Variants in ELOVL5 observed in about 807,000 individuals in gnomAD.
ELOVL5 encodes very long chain fatty acid elongase 5.
In ELOVL5, 8 loss-of-function variants were observed where a neutral mutation model predicts 38.6. That is an observed-to-expected ratio of 0.21 (90% CI 0.12 to 0.37). The LOEUF (loss-of-function observed/expected upper bound fraction) is 0.37, where lower values mean the gene tolerates loss of function less well. Ranked by LOEUF, ELOVL5 falls within the 10% of genes least tolerant of loss-of-function variation. ELOVL5 has a pLI of 1.00. For missense variants in ELOVL5, 280 were observed against 367.8 expected, an observed-to-expected ratio of 0.76 and a Z score of 1.95; for synonymous variants, 127 against 133.7, an observed-to-expected ratio of 0.95 and a Z score of 0.34.
Position 53,268,892 on chromosome 6 carries a change from C to T in ELOVL5, c.*235G>A. ...CAGTGTTGTATACTATAATAATACT[C>T]CCTTTCCACAGTCTAGCGCAGGGGT... On this transcript the variant is annotated 3_prime_UTR_variant, in exon 8 of 8. Transcript: ENST00000304434. The T allele has an allele frequency of 2.4e-6, 1 of 410,624 alleles. No homozygotes were observed. The highest frequency in any genetic ancestry group is 4.4e-6 in the Non-Finnish European group (1 of 229,788). The allele number at this position is 410,624 out of a possible 1,614,324, so 25.4% of individuals were successfully genotyped here.
chr6:53,296,508 A>G (rs1268611428), intron 1 of ELOVL5, among the ~76,000 whole-genome samples: 1 of 152,194 alleles, frequency 6.6e-6, no homozygotes, highest in African/African-American at 2.4e-5. Context: ...TTATTATATC[A>G]TATTTATAAG....
At chr6:53,344,810 A>T (rs1213168656) in intron 1 of ELOVL5, among the ~76,000 whole-genome samples, 1 of 152,194 alleles carries the variant, frequency 6.6e-6, no homozygotes, top group African/African-American at 2.4e-5. Context: ...TTGCCCAATG[A>T]TTCCACACTC....
intron 1 of ELOVL5, among the ~76,000 whole-genome samples, chr6:53,333,882 C>T (rs1342553531): frequency 1.6e-5 from 2 of 128,098 alleles, no homozygotes; most frequent in African/African-American, 7.1e-5. Context: ...TCAAATTCCA[C>T]GGTGAAACAA....
chr6:53,300,227 T>C (rs1767195215), intron 1 of ELOVL5, among the ~76,000 whole-genome samples: 1 of 152,136 alleles, frequency 6.6e-6, no homozygotes, highest in African/African-American at 2.4e-5. Flanking sequence ...AAGAGACACC[T>C]TCACCAAAAG....
At chr6:53,291,289 TA>T (rs1490623409) in intron 3 of ELOVL5, among the ~76,000 whole-genome samples, 1 of 152,188 alleles carries the variant, frequency 6.6e-6, no homozygotes, top group Non-Finnish European at 1.5e-5. Flanking sequence ...TCTTAGCTTT[TA>T]AAAAACAACT....
chr6:53,289,320 G>A (rs1581936315), intron 3 of ELOVL5, among the ~76,000 whole-genome samples: 1 of 152,320 alleles, frequency 6.6e-6, no homozygotes, highest in Middle Eastern at 3.4e-3. Flanking sequence ...TCTCTAAAAT[G>A]AGGGGCCCCA....
intron 1 of ELOVL5, among the ~76,000 whole-genome samples, chr6:53,300,032 G>C (rs1767184499): frequency 6.6e-6 from 1 of 152,188 alleles, no homozygotes; most frequent in Non-Finnish European, 1.5e-5. Flanking sequence ...AGAAGGGGCA[G>C]GTAGAGGTAG....
intron 1 of ELOVL5, among the ~76,000 whole-genome samples, chr6:53,310,499 TA>T (rs1452809735): frequency 5.3e-5 from 8 of 152,196 alleles, no homozygotes; most frequent in African/African-American, 1.7e-4. Flanking sequence ...TGGGAAGACT[TA>T]ATCACATTAC....
intron 1 of ELOVL5, among the ~76,000 whole-genome samples, chr6:53,296,261 C>G (rs9296706): frequency 0.016 from 2,419 of 152,166 alleles, 62 homozygotes; most frequent in African/African-American, 0.055. Flanking sequence ...CCTCAATCCC[C>G]AAGCCACGCA....
intron 1 of ELOVL5, among the ~76,000 whole-genome samples, chr6:53,324,882 T>C (rs956495729): frequency 2.0e-5 from 3 of 152,080 alleles, no homozygotes; most frequent in African/African-American, 4.8e-5. Context: ...CAGAAGAAAC[T>C]TGCAGAGAGA....
intron 5 of ELOVL5, among the ~76,000 whole-genome samples, chr6:53,274,781 T>A (rs896087667): frequency 1.3e-5 from 2 of 152,146 alleles, no homozygotes; most frequent in Admixed American, 1.3e-4. Flanking sequence ...GTCTCAAACC[T>A]TCCACACCAT....
intron 1 of ELOVL5, among the ~76,000 whole-genome samples, chr6:53,311,929 T>TA (rs1428969310): frequency 5.3e-5 from 8 of 152,102 alleles, no homozygotes; most frequent in South Asian, 2.1e-4. Flanking sequence ...AGAGGTACTT[T>TA]AAAAAAAGGT....
rs574062270 is a variant in ELOVL5, at chr6:53,301,092, T to C, written c.-8-5385A>G. Among the ~76,000 whole-genome samples, 237 of 152,250 alleles carry C rather than the reference T, an allele frequency of 1.6e-3. 1 individual carries two copies. The highest frequency in any genetic ancestry group is 2.7e-3 in the Non-Finnish European group (187 of 68,002). ...GCTATACTCTTTTGTACTAAAGGAA[T>C]GGGAGGCACAGGGCTATGCAAAAGT... is the stretch of plus-strand genomic sequence containing the variant. On this transcript the variant is annotated intron_variant, in intron 1 of 7. Transcript: ENST00000304434.
At chr6:53,284,231 A>T (rs1244036436) in intron 3 of ELOVL5, among the ~76,000 whole-genome samples, 2 of 151,960 alleles carry the variant, frequency 1.3e-5, no homozygotes, top group South Asian at 4.2e-4. Context: ...ACTTGTGCCC[A>T]GGAGTTTGAG....
intron 4 of ELOVL5, among the ~76,000 whole-genome samples, 196 bp downstream of exon 4, chr6:53,275,983 G>A (rs577641703): frequency 1.3e-5 from 2 of 152,294 alleles, no homozygotes; most frequent in South Asian, 4.1e-4. Context: ...TACAGAGGGG[G>A]ATGCTTTAGG....
Position 53,275,204 on chromosome 6 carries a change from A to G in ELOVL5, c.382T>C (p.Phe128Leu), listed in dbSNP as rs561304706. 3.0e-5 allele frequency: 48 copies of G among 1,614,166 alleles called. No individual in the cohort carries two copies. The highest frequency in any genetic ancestry group is 6.7e-5 in the Admixed American group (4 of 60,020). The change falls in exon 5 of 8, where the codon TTC becomes CTC. Residue 128 changes from phenylalanine to leucine, a missense_variant. Physicochemically the swap from Phe to Leu is conservative, Grantham distance 22 (BLOSUM62 0). This residue lies in a region of ELOVL5 where 150 missense variants were observed against 178.0 expected (regional missense o/e 0.84). Coordinates refer to ENST00000304434, the MANE Select transcript of ELOVL5 (RefSeq NM_021814.5). ...FSKLIEFMDT[F>L]FFILRKNNHQ... ...TTGTTCTTGCGCAGGATGAAGAAGA[A>G]AGTGTCCATAAATTCTATGAGTTTG...
At chr6:53,335,662 CCA>C (rs1769030917) in intron 1 of ELOVL5, among the ~76,000 whole-genome samples, 1 of 152,156 alleles carries the variant, frequency 6.6e-6, no homozygotes, top group Non-Finnish European at 1.5e-5. Context: ...GTCTCGTCTA[CCA>C]CCCATGGCAC....
In ELOVL5 at chr6:53,275,193, G is replaced by A; in HGVS notation, c.393C>T (p.Ile131=). 6.2e-7 allele frequency: 1 copy of A among 1,614,140 alleles called. No individual in the cohort carries two copies. Residue 131 remains isoleucine (I), a synonymous_variant, in exon 5 of 8, where the codon ATC becomes ATT. Coordinates refer to ENST00000304434, the MANE Select transcript of ELOVL5 (RefSeq NM_021814.5). ...LIEFMDTFFF[I]LRKNNHQITV... is the part of the protein sequence containing the mutation. ...TGATCTGGTGGTTGTTCTTGCGCAG[G>A]ATGAAGAAGAAAGTGTCCATAAATT...
At chr6:53,330,260 A>G (rs1278951040) in intron 1 of ELOVL5, among the ~76,000 whole-genome samples, 1 of 152,202 alleles carries the variant, frequency 6.6e-6, no homozygotes, top group Non-Finnish European at 1.5e-5. Flanking sequence ...AAGAAAAGGT[A>G]TAATAAAAAT....
Sources: gnomAD v4.1 joint callset for allele counts (sites outside exome capture counted in the v4.1 genomes callset) on GRCh38, gnomAD v4.1.1 for gene constraint, gnomAD v4.1.1 regional missense constraint, MANE v1.5 for transcripts, NCBI Gene and HGNC (gene_info 2026-07-23, HGNC 2026-07-21) for gene names.